SMG6: variants seen among roughly 807,000 people sequenced by gnomAD.
SMG6 encodes SMG6 nonsense mediated mRNA decay factor.
In SMG6, 66 loss-of-function variants were observed where a neutral mutation model predicts 142.2. The observed-to-expected ratio is 0.46, with a 90% CI of 0.38 to 0.57. The LOEUF is 0.57. Ranked by LOEUF, SMG6 falls within the 20% of genes least tolerant of loss-of-function variation. The pLI is 0.00. For missense variants in SMG6, 1,793 were observed against 1,832.0 expected, an observed-to-expected ratio of 0.98 and a Z score of 0.39; for synonymous variants, 779 against 702.4, an observed-to-expected ratio of 1.11 and a Z score of -1.72.
At chr17:2,133,261 T>C (rs140829386) in intron 13 of SMG6, among the ~76,000 whole-genome samples, 5 of 152,130 alleles carry the variant, frequency 3.3e-5, no homozygotes, top group Non-Finnish European at 7.4e-5. Context: ...AAAAAAAGTT[T>C]AAAAACGTAA....
At chr17:2,239,010 C>T (rs1037093142) in intron 9 of SMG6, among the ~76,000 whole-genome samples, 3 of 152,158 alleles carry the variant, frequency 2.0e-5, no homozygotes, top group Non-Finnish European at 4.4e-5. Flanking sequence ...GAGAGGAACC[C>T]TCCTCAGGGC....
At chr17:2,197,890 A>T (rs973216568) in intron 10 of SMG6, among the ~76,000 whole-genome samples, 3 of 152,228 alleles carry the variant, frequency 2.0e-5, no homozygotes, top group Admixed American at 2.0e-4. Context: ...TGGAATGTAA[A>T]ATGGTATAGC....
intron 8 of SMG6, among the ~76,000 whole-genome samples, chr17:2,266,770 G>T (rs1451578214): frequency 6.6e-6 from 1 of 152,112 alleles, no homozygotes; most frequent in Non-Finnish European, 1.5e-5. Context: ...TTATAGGTAG[G>T]GCTGATGTAC....
At position 2,081,942 on chromosome 17, in the gene SMG6, C is replaced by T. The variant is rs1166703716; in HGVS notation, c.3549G>A (p.Val1183=). Residue 1183 remains valine, a synonymous_variant, in exon 15 of 19, where the codon GTG becomes GTA. Coordinates refer to ENST00000263073, the MANE Select transcript of SMG6 (RefSeq NM_017575.5). ...TRLEDEEEDV[V]IEDFEEDSEA... ...CTGAATCTTCCTCAAAGTCTTCAATCACCACATCCTCCTCCTTTGGGTGGT... is the reference window on the plus strand; with the variant it reads ...CTGAATCTTCCTCAAAGTCTTCAATTACCACATCCTCCTCCTTTGGGTGGT... 1 of 1,614,184 alleles carries T rather than the reference C, an allele frequency of 6.2e-7. No homozygotes were observed. The highest frequency in any genetic ancestry group is 2.2e-5 in the East Asian group (1 of 44,886).
intron 13 of SMG6, chr17:2,122,220 T>C (rs1275827852): frequency 6.6e-6 from 1 of 151,960 alleles, no homozygotes; most frequent in Admixed American, 6.6e-5. Flanking sequence ...ACAAATACAG[T>C]AAAATGAGAA....
rs1186992604 is a variant in SMG6 at position 2,297,450 on chromosome 17, T to C, written c.2041-97A>G. On this transcript the variant is annotated intron_variant, in intron 3 of 18. Transcript: ENST00000263073. ...GACAACCCTTTCACAGTTCTGCTGA[T>C]GTTCAGACATCCTATGAAAAGGGAG... 4 of 848,000 alleles carry C rather than the reference T, an allele frequency of 4.7e-6. No homozygotes were observed. The East Asian group carries it at 1.0e-4, about 21-fold the overall frequency. The allele number at this position is 848,000 out of a possible 1,614,324, so 52.5% of individuals were successfully genotyped here.
At chr17:2,108,937 A>C (rs999458003) in intron 13 of SMG6, among the ~76,000 whole-genome samples, 1 of 152,224 alleles carries the variant, frequency 6.6e-6, no homozygotes, top group Middle Eastern at 3.4e-3. Flanking sequence ...AGAGCAAAAA[A>C]ACCTAGGCAT....
chr17:2,120,501 C>T (rs1296806099), intron 13 of SMG6, among the ~76,000 whole-genome samples: 1 of 152,218 alleles, frequency 6.6e-6, no homozygotes, highest in Non-Finnish European at 1.5e-5. Context: ...AGGAGGACTG[C>T]TTGAGCCCAG....
intron 15 of SMG6, among the ~76,000 whole-genome samples, chr17:2,069,248 G>A (rs982770871): frequency 1.3e-5 from 2 of 152,158 alleles, no homozygotes; most frequent in African/African-American, 4.8e-5. Flanking sequence ...GGAGAATTAG[G>A]TTCCTTAGAT....
At chr17:2,088,331 G>A in intron 13 of SMG6, 1 of 985,414 alleles carries the variant, frequency 1.0e-6, no homozygotes, top group Non-Finnish European at 1.2e-6. Flanking sequence ...CAGGACCCAG[G>A]GATGTGGACA....
chr17:2,061,804 A>G (rs1442123085), intron 18 of SMG6, 182 bp from the exon 19 acceptor site: 3 of 633,380 alleles, frequency 4.7e-6, no homozygotes, highest in South Asian at 1.9e-5. Context: ...CTGCTGGCCT[A>G]GAGAGGGCTG....
At chr17:2,121,433 T>C (rs1265891817) in intron 13 of SMG6, among the ~76,000 whole-genome samples, 2 of 152,130 alleles carry the variant, frequency 1.3e-5, no homozygotes, top group African/African-American at 4.8e-5. Context: ...TCCATTTATA[T>C]GGGGTTCTAA....
chr17:2,254,315 A>G (rs540135028), intron 8 of SMG6, among the ~76,000 whole-genome samples: 3 of 152,292 alleles, frequency 2.0e-5, no homozygotes, highest in Admixed American at 2.0e-4. Context: ...TTCCAAGAGC[A>G]CATACATAAG....
chr17:2,137,375 C>G (rs1250060180), intron 13 of SMG6, among the ~76,000 whole-genome samples: 1 of 152,056 alleles, frequency 6.6e-6, no homozygotes, highest in Non-Finnish European at 1.5e-5. Flanking sequence ...CTTGATGACC[C>G]CCACAGGCTG....
At chr17:2,061,858 C>T in intron 18 of SMG6, 2 of 495,066 alleles carry the variant, frequency 4.0e-6, no homozygotes, top group Non-Finnish European at 7.4e-6. Context: ...ACAGGACTCT[C>T]TTCTGCCTAG....
chr17:2,289,182 T>C (rs796736055), intron 6 of SMG6, among the ~76,000 whole-genome samples: 14 of 151,182 alleles, frequency 9.3e-5, no homozygotes, highest in African/African-American at 3.2e-4. Context: ...CCTGGGAGGT[T>C]GAGGCTGCAG....
chr17:2,124,316 A>T (rs1446099860), intron 13 of SMG6, among the ~76,000 whole-genome samples: 2 of 152,264 alleles, frequency 1.3e-5, no homozygotes, highest in African/African-American at 4.8e-5. Context: ...ACAGGGCAGT[A>T]AGGTAGAGAA....
chr17:2,200,325 CT>C (rs914913154), intron 10 of SMG6, among the ~76,000 whole-genome samples: 5 of 151,936 alleles, frequency 3.3e-5, no homozygotes, highest in South Asian at 2.1e-4. Context: ...CTGCATATAC[CT>C]TTTTTAAAAA....
chr17:2,090,886 A>G (rs1367172706), intron 13 of SMG6, among the ~76,000 whole-genome samples: 2 of 152,276 alleles, frequency 1.3e-5, no homozygotes, highest in Non-Finnish European at 2.9e-5. Context: ...AGATGCAGAC[A>G]GGAACATGAA....
Sources: allele counts gnomAD v4.1 joint callset (sites outside exome capture counted in the v4.1 genomes callset), GRCh38; gene constraint gnomAD v4.1.1; transcripts MANE v1.5; gene names NCBI Gene and HGNC (gene_info 2026-07-23, HGNC 2026-07-21).